Variants in SDCCAG8 observed in about 807,000 individuals in gnomAD.
The protein encoded by SDCCAG8 is SHH signaling and ciliogenesis regulator SDCCAG8, also known as serologically defined colon cancer antigen 8.
Under a neutral mutation model 101.8 loss-of-function variants are expected in SDCCAG8, and 74 were observed. The observed-to-expected ratio is 0.73, with a 90% CI of 0.60 to 0.88. The LOEUF (loss-of-function observed/expected upper bound fraction) is 0.88. Among genes scored for constraint, SDCCAG8 ranks in the 40% least tolerant of loss-of-function variants. The probability of loss-of-function intolerance (pLI) is 0.00; values close to 1 mark genes in which losing one functional copy is unlikely to be tolerated. For synonymous variants in SDCCAG8, 281 were observed against 292.9 expected (o/e 0.96, Z 0.41); for missense variants, 787 against 822.6 (o/e 0.96, Z 0.53).
At chr1:243,267,828 A>C in intron 1 of SDCCAG8, 1 of 908,516 alleles carries the variant, frequency 1.1e-6, no homozygotes, top group Non-Finnish European at 1.9e-6. Context: ...CAAGGGATAC[A>C]CTTGACATGC....
At chr1:243,427,530 G>A (rs2081419906) in intron 16 of SDCCAG8, among the ~76,000 whole-genome samples, 2 of 151,962 alleles carry the variant, frequency 1.3e-5, no homozygotes, top group Admixed American at 6.5e-5. Flanking sequence ...CAGTGGACAC[G>A]GTTCGCGTGG....
At chr1:243,386,013 C>A (rs769418065) in intron 13 of SDCCAG8, among the ~76,000 whole-genome samples, 15 of 152,294 alleles carry the variant, frequency 9.8e-5, no homozygotes, top group Non-Finnish European at 1.9e-4. Flanking sequence ...TTAGTATCTG[C>A]GTGGTACCAC....
At chr1:243,322,439 G>A (rs538005225) in intron 9 of SDCCAG8, among the ~76,000 whole-genome samples, 1 of 152,272 alleles carries the variant, frequency 6.6e-6, no homozygotes, top group Non-Finnish European at 1.5e-5. Flanking sequence ...AAACAATTAG[G>A]AGGTTAAAGC....
intron 13 of SDCCAG8, among the ~76,000 whole-genome samples, chr1:243,407,388 G>C (rs967935542): frequency 6.6e-6 from 1 of 152,204 alleles, no homozygotes; most frequent in African/African-American, 2.4e-5. Context: ...CTGCCCCACA[G>C]AGATGTTATG....
chr1:243,295,694 C>T (rs2070803158), intron 6 of SDCCAG8, among the ~76,000 whole-genome samples: 2 of 152,302 alleles, frequency 1.3e-5, no homozygotes, highest in South Asian at 4.1e-4. Context: ...TTCTTACCCT[C>T]TACCTATTGA....
chr1:243,348,489 T>G (rs1195819313), intron 12 of SDCCAG8, among the ~76,000 whole-genome samples: 3 of 151,882 alleles, frequency 2.0e-5, no homozygotes, highest in African/African-American at 7.3e-5. Flanking sequence ...CCCAGTGACA[T>G]ACGCACCTCC....
chr1:243,290,579 C>G (rs2070151614), intron 5 of SDCCAG8, among the ~76,000 whole-genome samples: 1 of 152,084 alleles, frequency 6.6e-6, no homozygotes, highest in Non-Finnish European at 1.5e-5. Flanking sequence ...TTACTTGATT[C>G]TTTAGCTTCA....
At chr1:243,399,123 T>G (rs1490229814) in intron 13 of SDCCAG8, among the ~76,000 whole-genome samples, 1 of 152,240 alleles carries the variant, frequency 6.6e-6, no homozygotes, top group Admixed American at 6.5e-5. Context: ...ATGATCATCT[T>G]AAATGAATTG....
intron 6 of SDCCAG8, among the ~76,000 whole-genome samples, chr1:243,300,722 C>T (rs774550390): frequency 1.6e-4 from 25 of 152,122 alleles, no homozygotes; most frequent in Non-Finnish European, 3.2e-4. Flanking sequence ...TTAACATTTC[C>T]TCTGTGAGGC....
In SDCCAG8 at chr1:243,290,009, C is replaced by T. The variant is rs1326997998; in HGVS notation, c.547-3082C>T. Among the ~76,000 whole-genome samples, 5 of 152,126 alleles carry T rather than the reference C, an allele frequency of 3.3e-5. No individual in the cohort carries two copies. In the South Asian group the frequency reaches 1.0e-3, roughly 32 times the overall value. ...CCTGTCCTGATTTTTCATCACTTTGCCTTCTCATAAAATATTTCCTCATGG... is the reference window on the plus strand; with the variant it reads ...CCTGTCCTGATTTTTCATCACTTTGTCTTCTCATAAAATATTTCCTCATGG... On this transcript the variant is annotated intron_variant, in intron 5 of 17. Transcript: ENST00000366541.
chr1:243,428,118 C>T (rs1279780762), intron 16 of SDCCAG8, among the ~76,000 whole-genome samples: 3 of 152,164 alleles, frequency 2.0e-5, no homozygotes, highest in African/African-American at 7.2e-5. Context: ...TTTAGAGTTC[C>T]TAGAATGCTC....
At chr1:243,381,420 C>A (rs1421463931) in intron 13 of SDCCAG8, among the ~76,000 whole-genome samples, 1 of 151,982 alleles carries the variant, frequency 6.6e-6, no homozygotes, top group African/African-American at 2.4e-5. Flanking sequence ...GAGACCCCAT[C>A]TCTACAAAAA....
At chr1:243,404,512 C>G (rs1170561656) in intron 13 of SDCCAG8, among the ~76,000 whole-genome samples, 1 of 152,100 alleles carries the variant, frequency 6.6e-6, no homozygotes, top group Non-Finnish European at 1.5e-5. Flanking sequence ...AAGAAAGTGA[C>G]TTAATTATTG....
At chr1:243,480,543 GGATGGATGGATGGATA>G (rs1663379848) in intron 16 of SDCCAG8, among the ~76,000 whole-genome samples, 1 of 35,296 alleles carries the variant, frequency 2.8e-5, no homozygotes. Flanking sequence ...ATGGATGGGT[GGATGGATGGATGGATA>G]GGTGGGATGG....
intron 16 of SDCCAG8, among the ~76,000 whole-genome samples, chr1:243,486,202 CAAAAAAAAAA>C (rs57724631): frequency 6.8e-4 from 42 of 61,418 alleles, no homozygotes; most frequent in South Asian, 1.7e-3. Flanking sequence ...ACTCTGCCTC[CAAAAAAAAAA>C]AAAAAAAAAA....
chr1:243,474,133 CA>C lies in SDCCAG8; in HGVS notation c.1986-14878del, dbSNP rs1661855785. Among the ~76,000 whole-genome samples, 2 of 152,102 alleles carry C rather than the reference CA, an allele frequency of 1.3e-5. No homozygotes were observed. Among genetic ancestry groups the C allele is most frequent in the South Asian group, 4.2e-4 (2 of 4,818 alleles). On this transcript the variant is annotated intron_variant, in intron 16 of 17. Transcript: ENST00000366541. The surrounding 1 kb of genome is among the most constrained non-coding windows in gnomAD (Gnocchi z 4.7). ...TGACAAACAATGATTCATTGGTTTA[CA>C]AATAAGGAATTAAAAGGTAAGAAAA...
At chr1:243,464,787 G>A (rs1488140713) in intron 16 of SDCCAG8, among the ~76,000 whole-genome samples, 1 of 152,220 alleles carries the variant, frequency 6.6e-6, no homozygotes, top group Non-Finnish European at 1.5e-5. Flanking sequence ...TAGGGTGAGT[G>A]AGACTCCTTC....
chr1:243,449,140 T>C (rs758536832), intron 16 of SDCCAG8, among the ~76,000 whole-genome samples: 1 of 152,236 alleles, frequency 6.6e-6, no homozygotes, highest in Non-Finnish European at 1.5e-5. Flanking sequence ...TTGATCTCAT[T>C]ATAACTGGAG....
intron 12 of SDCCAG8, 69 bp downstream of exon 12, chr1:243,344,400 G>A: frequency 9.2e-7 from 1 of 1,082,364 alleles, no homozygotes; most frequent in South Asian, 1.3e-5. Context: ...AGTTGATGTT[G>A]TTTTATTCCT....
Sources: gnomAD v4.1 joint callset for allele counts (sites outside exome capture counted in the v4.1 genomes callset) on GRCh38, gnomAD v4.1.1 for gene constraint, Gnocchi (gnomAD v3.1) non-coding constraint, MANE v1.5 for transcripts, NCBI Gene and HGNC (gene_info 2026-07-23, HGNC 2026-07-21) for gene names.